The following PSEN1 variants were observed in gnomAD, a reference collection of about 807,000 sequenced individuals.
PSEN1 encodes presenilin-1.
PSEN1 carries 15 observed loss-of-function variants against 53.5 expected under a neutral mutation model. The ratio of observed to expected loss-of-function variants is 0.28; its 90% CI spans 0.19 to 0.43. The LOEUF (loss-of-function observed/expected upper bound fraction) is 0.43. Among genes scored for constraint, PSEN1 ranks in the 20% least tolerant of loss-of-function variants. PSEN1 has a pLI of 1.00. For synonymous variants in PSEN1, 208 were observed against 209.8 expected, an observed-to-expected ratio of 0.99 and a Z score of 0.08; for missense variants, 387 against 571.2, an observed-to-expected ratio of 0.68 and a Z score of 3.29.
intron 5 of PSEN1, among the ~76,000 whole-genome samples, chr14:73,181,556 C>G (rs936322801): frequency 2.0e-5 from 3 of 152,118 alleles, no homozygotes; most frequent in African/African-American, 7.2e-5. Flanking sequence ...CCCAGGTTTT[C>G]CAGTCTAGCC....
chr14:73,154,711 A>G (rs926689670), intron 3 of PSEN1, among the ~76,000 whole-genome samples: 5 of 152,216 alleles, frequency 3.3e-5, no homozygotes, highest in African/African-American at 1.2e-4. Context: ...TAGAATTCTT[A>G]TGAAATTAAA....
chr14:73,194,585 T>C (rs1015648752), intron 7 of PSEN1, among the ~76,000 whole-genome samples: 81 of 139,548 alleles, frequency 5.8e-4, no homozygotes, highest in African/African-American at 1.9e-3. Flanking sequence ...TTTTTTTTTT[T>C]CAAGACGGAG....
rs1274248831 is a variant in PSEN1 at position 73,220,958 on chromosome 14, G to A, written c.*1669G>A. 6.6e-6 allele frequency: 1 copy of A among 152,286 alleles called. No homozygotes were observed. The highest frequency in any genetic ancestry group is 6.6e-5 in the Admixed American group (1 of 15,266). 9.4% of individuals were successfully genotyped at this position (152,286 alleles called of 1,614,324 possible). On this transcript the variant is annotated 3_prime_UTR_variant, in exon 12 of 12. Transcript: ENST00000324501. The stretch of plus-strand genomic sequence containing the variant: ...AACTTAGTTTCCTCCTGTGGCTGAG[G>A]AGGGGCCAGCTTTTTCTTCTTTTGC...
intron 1 of PSEN1, among the ~76,000 whole-genome samples, chr14:73,146,861 CCTT>C (rs200357339): frequency 6.6e-6 from 1 of 152,000 alleles, no homozygotes; most frequent in Non-Finnish European, 1.5e-5. Flanking sequence ...TTTCTGAAAA[CCTT>C]CTGTGAAAAG....
At chr14:73,201,308 G>C (rs997175926) in intron 8 of PSEN1, among the ~76,000 whole-genome samples, 1 of 152,100 alleles carries the variant, frequency 6.6e-6, no homozygotes, top group African/African-American at 2.4e-5. Flanking sequence ...GGATGGTCTC[G>C]ATCTCCTGAC....
intron 6 of PSEN1, among the ~76,000 whole-genome samples, chr14:73,187,478 TA>T (rs1368521528): frequency 6.6e-6 from 1 of 152,152 alleles, no homozygotes; most frequent in Non-Finnish European, 1.5e-5. Context: ...GTCAAACTAA[TA>T]AATAAATTGG....
chr14:73,157,546 AACC>A (rs773894710), intron 3 of PSEN1, among the ~76,000 whole-genome samples: 2 of 152,136 alleles, frequency 1.3e-5, no homozygotes, highest in Non-Finnish European at 2.9e-5. Context: ...ATACTCTTGA[AACC>A]ACCACCACAG....
intron 4 of PSEN1, 63 bp downstream of exon 4, chr14:73,171,110 T>C: frequency 6.3e-7 from 1 of 1,596,346 alleles, no homozygotes; most frequent in Non-Finnish European, 8.6e-7. Flanking sequence ...CAGCATGTCA[T>C]CATCACCTTG....
intron 10 of PSEN1, among the ~76,000 whole-genome samples, chr14:73,215,681 A>G (rs2140142502): frequency 6.6e-6 from 1 of 152,358 alleles, no homozygotes; most frequent in Admixed American, 6.5e-5. Flanking sequence ...AATTTAAGAT[A>G]GGGAAATGCT....
At chr14:73,140,553 T>A (rs902947336) in intron 1 of PSEN1, among the ~76,000 whole-genome samples, 3 of 152,100 alleles carry the variant, frequency 2.0e-5, no homozygotes, top group Admixed American at 6.6e-5. Context: ...GGCCTAGTTA[T>A]CGTCTTTATT....
chr14:73,203,683 G>T (rs971794763), intron 8 of PSEN1, among the ~76,000 whole-genome samples: 1 of 152,100 alleles, frequency 6.6e-6, no homozygotes, highest in Non-Finnish European at 1.5e-5. Flanking sequence ...TCTGTCGTTT[G>T]ACAGAAAAAA....
intron 10 of PSEN1, among the ~76,000 whole-genome samples, chr14:73,215,529 G>A (rs1043497823): frequency 2.0e-5 from 3 of 150,404 alleles, no homozygotes; most frequent in Non-Finnish European, 4.4e-5. Flanking sequence ...GTTTCAGTGA[G>A]CCGAGATCAC....
At chr14:73,190,042 A>G (rs993587718) in intron 6 of PSEN1, 2 of 152,834 alleles carry the variant, frequency 1.3e-5, no homozygotes, top group African/African-American at 4.8e-5. Context: ...CCTTATGTAC[A>G]TTGTACTCAG....
At position 73,173,602 on chromosome 14, in the gene PSEN1, G is replaced by C. The variant is rs1897955823; in HGVS notation, c.375G>C (p.Val125=). 1 of 1,613,948 alleles carries C rather than the reference G, an allele frequency of 6.2e-7. No homozygotes were observed. The part of the protein sequence containing the change: ...YTPFTEDTET[V]GQRALHSILN... ...CATTCACAGAAGATACCGAGACTGT[G>C]GGCCAGAGAGCCCTGCACTCAATTC... is the stretch of plus-strand genomic sequence containing the variant. The change falls in exon 5 of 12, where the codon GTG becomes GTC. Residue 125 remains valine (V), a synonymous_variant. Coordinates refer to ENST00000324501, the MANE Select transcript of PSEN1 (RefSeq NM_000021.4).
chr14:73,210,090 A>G (rs924598378), intron 9 of PSEN1, among the ~76,000 whole-genome samples: 2 of 152,240 alleles, frequency 1.3e-5, no homozygotes, highest in East Asian at 3.8e-4. Context: ...CATTGGAACA[A>G]AAGGGCATAG....
intron 5 of PSEN1, among the ~76,000 whole-genome samples, chr14:73,184,678 C>T (rs1898405632): frequency 6.6e-6 from 1 of 150,440 alleles, no homozygotes; most frequent in African/African-American, 2.4e-5. Flanking sequence ...GACGGAGCGG[C>T]TGGCGGGGCG....
intron 3 of PSEN1, among the ~76,000 whole-genome samples, chr14:73,148,665 G>A (rs1566617863): frequency 6.6e-6 from 1 of 152,184 alleles, no homozygotes; most frequent in Non-Finnish European, 1.5e-5. Context: ...AGGCACGGTG[G>A]CTCATGCCTG....
At chr14:73,188,990 C>G (rs1054517042) in intron 6 of PSEN1, among the ~76,000 whole-genome samples, 2 of 152,002 alleles carry the variant, frequency 1.3e-5, no homozygotes, top group African/African-American at 4.8e-5. Flanking sequence ...GGGGTTTCAC[C>G]ATGTTGGCCA....
intron 8 of PSEN1, among the ~76,000 whole-genome samples, chr14:73,201,927 A>G (rs1899203692): frequency 6.6e-6 from 1 of 151,960 alleles, no homozygotes; most frequent in African/African-American, 2.4e-5. Flanking sequence ...TTGTATTTTT[A>G]GTAGAGTTGG....
Sources: allele counts gnomAD v4.1 joint callset (sites outside exome capture counted in the v4.1 genomes callset), GRCh38; gene constraint gnomAD v4.1.1; transcripts MANE v1.5; gene names NCBI Gene and HGNC (gene_info 2026-07-23, HGNC 2026-07-21).